The following RIMS1 variants were observed in gnomAD, a reference collection of about 807,000 sequenced individuals.
RIMS1 encodes regulating synaptic membrane exocytosis protein 1.
RIMS1 carries 83 observed loss-of-function variants against 214.1 expected under a neutral mutation model. The observed-to-expected ratio is 0.39, with a 90% CI of 0.32 to 0.47. The LOEUF (loss-of-function observed/expected upper bound fraction) is 0.47, where lower values mean the gene tolerates loss of function less well. RIMS1 is among the 20% of genes least tolerant of loss of function. The pLI is 0.99. For synonymous variants in RIMS1, 793 were observed against 786.8 expected (o/e 1.01, Z -0.13); for missense variants, 2,050 against 2,161.8 (o/e 0.95, Z 1.03).
chr6:71,903,760 G>GTT (rs545193502), intron 1 of RIMS1, among the ~76,000 whole-genome samples: 4 of 148,346 alleles, frequency 2.7e-5, no homozygotes, highest in African/African-American at 9.8e-5. Context: ...GTGTGTGTGT[G>GTT]TTTTTTTTTT....
chr6:71,972,736 T>C (rs1291463835), intron 2 of RIMS1, among the ~76,000 whole-genome samples: 1 of 151,886 alleles, frequency 6.6e-6, no homozygotes, highest in Admixed American at 6.6e-5. Flanking sequence ...TGAGATAGAA[T>C]CTTTTTCTTA....
Position 72,402,464 on chromosome 6 carries a change from G to T in RIMS1, c.*1750G>T, listed in dbSNP as rs1472301252. The T allele has an allele frequency of 1.3e-5, 2 of 151,322 alleles. No homozygotes were observed. Among genetic ancestry groups the T allele is most frequent in the Non-Finnish European group, 3.0e-5 (2 of 67,626 alleles). The allele number at this position is 151,322 out of a possible 1,614,324, so 9.4% of individuals were successfully genotyped here. ...ATTTTGGTGTAGATTCCTACTGTGG[G>T]GCTGTAACACATGTAGACACTGTGT... On this transcript the variant is annotated 3_prime_UTR_variant, in exon 34 of 34. Coordinates refer to ENST00000521978, the MANE Select transcript of RIMS1 (RefSeq NM_014989.7).
At chr6:72,067,722 A>G (rs1396880304) in intron 2 of RIMS1, among the ~76,000 whole-genome samples, 1 of 152,230 alleles carries the variant, frequency 6.6e-6, no homozygotes, top group Non-Finnish European at 1.5e-5. Context: ...GATTTGCAAT[A>G]TAGATTTGTC....
chr6:71,920,217 A>T (rs1253449621), intron 1 of RIMS1, among the ~76,000 whole-genome samples: 1 of 152,210 alleles, frequency 6.6e-6, no homozygotes, highest in Non-Finnish European at 1.5e-5. Flanking sequence ...TTTAAAAATC[A>T]GTTGCACTAA....
Position 72,182,218 on chromosome 6 carries a change from G to A in RIMS1, c.813-66G>A. On this transcript the variant is annotated intron_variant, in intron 5 of 33. Coordinates refer to ENST00000521978, the MANE Select transcript of RIMS1 (RefSeq NM_014989.7). ...AAATGATTTAAGACTGGAATGAGAA[G>A]AAAACATGTTTTTTATGTCTAGTCT... 2.7e-6 allele frequency: 4 copies of A among 1,459,260 alleles called. No individual in the cohort carries two copies. In the East Asian group the frequency reaches 6.9e-5, roughly 25 times the overall value. The allele number at this position is 1,459,260 out of a possible 1,614,324, so 90.4% of individuals were successfully genotyped here.
chr6:72,100,022 T>C, intron 4 of RIMS1, 36 bp downstream of exon 4: 1 of 1,548,214 alleles, frequency 6.5e-7, no homozygotes, highest in Non-Finnish European at 8.9e-7. Context: ...TCATTTGTTA[T>C]TGTATTGTTG....
At chr6:72,292,267 A>G (rs2093502360) in intron 26 of RIMS1, among the ~76,000 whole-genome samples, 1 of 152,190 alleles carries the variant, frequency 6.6e-6, no homozygotes, top group Admixed American at 6.5e-5. Flanking sequence ...TGAATTTTAG[A>G]TGGTCATTTA....
intron 2 of RIMS1, among the ~76,000 whole-genome samples, chr6:71,995,546 T>G (rs1803168435): frequency 1.3e-5 from 2 of 151,820 alleles, no homozygotes; most frequent in South Asian, 4.1e-4. Flanking sequence ...TTACTGGATG[T>G]GTTCTAGATT....
intron 29 of RIMS1, among the ~76,000 whole-genome samples, chr6:72,375,753 G>A (rs1408047506): frequency 6.6e-6 from 1 of 151,812 alleles, no homozygotes; most frequent in Non-Finnish European, 1.5e-5. Flanking sequence ...GATTGGATTT[G>A]GATTGCTTTG....
At chr6:72,269,958 G>T (rs1173608473) in intron 22 of RIMS1, among the ~76,000 whole-genome samples, 1 of 151,908 alleles carries the variant, frequency 6.6e-6, no homozygotes, top group South Asian at 2.1e-4. Flanking sequence ...ACCAACACAC[G>T]CACATACTTC....
chr6:72,253,077 A>G (rs1195459521), intron 16 of RIMS1, among the ~76,000 whole-genome samples: 1 of 152,164 alleles, frequency 6.6e-6, no homozygotes, highest in African/African-American at 2.4e-5. Flanking sequence ...GAAACAAATC[A>G]TTATTTCACA....
intron 18 of RIMS1, among the ~76,000 whole-genome samples, chr6:72,260,481 C>T (rs2077478605): frequency 6.6e-6 from 1 of 152,098 alleles, no homozygotes; most frequent in Admixed American, 6.6e-5. Flanking sequence ...TTTTGAAATA[C>T]AATGGCAAAT....
chr6:72,369,527 C>G (rs759295681), intron 29 of RIMS1, among the ~76,000 whole-genome samples: 4 of 152,144 alleles, frequency 2.6e-5, no homozygotes, highest in Non-Finnish European at 5.9e-5. Flanking sequence ...TCTCAGGCAC[C>G]GGCTAAAGCT....
intron 2 of RIMS1, among the ~76,000 whole-genome samples, chr6:72,009,883 T>A (rs558421504): frequency 1.1e-3 from 171 of 152,336 alleles, no homozygotes; most frequent in African/African-American, 3.7e-3. Context: ...CACAGCCGAA[T>A]TCTACCAGAG....
At chr6:71,961,924 A>G (rs1411210824) in intron 1 of RIMS1, among the ~76,000 whole-genome samples, 4 of 152,172 alleles carry the variant, frequency 2.6e-5, no homozygotes. Flanking sequence ...GAGAATGAAT[A>G]TGTAGGGAAT....
intron 2 of RIMS1, among the ~76,000 whole-genome samples, chr6:72,092,353 C>T (rs1004249839): frequency 7.6e-6 from 1 of 132,040 alleles, no homozygotes; most frequent in African/African-American, 2.8e-5. Context: ...AGGAGCATTG[C>T]AGGAAATAAG....
intron 29 of RIMS1, among the ~76,000 whole-genome samples, chr6:72,341,281 T>C (rs1314422761): frequency 6.6e-6 from 1 of 151,988 alleles, no homozygotes. Context: ...TATTCCCTTC[T>C]CCTGCCTGAT....
chr6:72,013,251 A>G (rs1329999473), intron 2 of RIMS1, among the ~76,000 whole-genome samples: 2 of 152,188 alleles, frequency 1.3e-5, no homozygotes, highest in African/African-American at 2.4e-5. Context: ...ATCTCTGAAC[A>G]TTGGTCTTTG....
intron 3 of RIMS1, among the ~76,000 whole-genome samples, chr6:72,098,289 C>CTTT (rs58934201): frequency 1.3e-4 from 19 of 143,346 alleles, no homozygotes; most frequent in African/African-American, 2.3e-4. Flanking sequence ...ATCAATATAT[C>CTTT]TTTTTTTTTT....
Sources: allele counts gnomAD v4.1 joint callset (sites outside exome capture counted in the v4.1 genomes callset), GRCh38; gene constraint gnomAD v4.1.1; transcripts MANE v1.5; gene names NCBI Gene and HGNC (gene_info 2026-07-23, HGNC 2026-07-21).